Variants in FBXL2 observed in about 807,000 individuals in gnomAD.
The protein encoded by FBXL2 is F-box/LRR-repeat protein 2.
In FBXL2, 38 loss-of-function variants were observed where a neutral mutation model predicts 69.2. The ratio of observed to expected loss-of-function variants is 0.55; its 90% CI spans 0.42 to 0.72. FBXL2 has a LOEUF of 0.72. FBXL2 is among the 30% of genes least tolerant of loss of function. The pLI is 0.00. For missense variants in FBXL2, 354 were observed against 520.3 expected (o/e 0.68, Z 3.11); for synonymous variants, 192 against 201.3 (o/e 0.95, Z 0.39).
rs779311945 is a variant in FBXL2, at chr3:33,387,032, T to TTATA, written c.*1435_*1438dup. ...GCTGCATTCTAGGAAGAGAAGCAGATTATATATATATATAATCTCCCCATA... is the reference window on the plus strand; with the variant it reads ...GCTGCATTCTAGGAAGAGAAGCAGATTATATATATATATATATAATCTCCCCATA... On this transcript the variant is annotated 3_prime_UTR_variant, in exon 15 of 15. Coordinates refer to ENST00000484457, the MANE Select transcript of FBXL2 (RefSeq NM_012157.5). The TTATA allele has an allele frequency of 6.6e-6, 1 of 151,532 alleles. No homozygotes were observed. Among genetic ancestry groups the TTATA allele is most frequent in the Admixed American group, 6.6e-5 (1 of 15,162 alleles). 9.4% of individuals were successfully genotyped at this position (151,532 alleles called of 1,614,324 possible). A position where few individuals can be genotyped will look rare whatever the true frequency, so the allele number is the denominator to read the frequency against.
chr3:33,409,059 G>A, the FBXL2 span, among the ~76,000 whole-genome samples: 1 of 152,048 alleles, frequency 6.6e-6, no homozygotes, highest in Admixed American at 6.6e-5. Context: ...ATCCCACCCA[G>A]GAAACAGTCT....
At chr3:33,288,131 A>C (rs2034841465) in intron 1 of FBXL2, among the ~76,000 whole-genome samples, 1 of 152,256 alleles carries the variant, frequency 6.6e-6, no homozygotes, top group Non-Finnish European at 1.5e-5. Flanking sequence ...GGAGCAGGGA[A>C]GTCTAAGGAG....
intron 2 of FBXL2, among the ~76,000 whole-genome samples, chr3:33,313,064 G>A (rs1275367481): frequency 6.6e-6 from 1 of 151,324 alleles, no homozygotes; most frequent in Non-Finnish European, 1.5e-5. Flanking sequence ...AGGTTGCAGT[G>A]AGCCAAGATT....
intron 2 of FBXL2, among the ~76,000 whole-genome samples, chr3:33,332,441 A>G (rs2039239902): frequency 1.3e-5 from 2 of 152,238 alleles, no homozygotes; most frequent in Non-Finnish European, 2.9e-5. Flanking sequence ...ATATACCCCA[A>G]AAAACTGAAA....
chr3:33,408,073 A>C (rs1338789320), downstream of FBXL2, among the ~76,000 whole-genome samples: 1 of 152,176 alleles, frequency 6.6e-6, no homozygotes, highest in Non-Finnish European at 1.5e-5. Context: ...CTGAAGCATT[A>C]ATTCACAATG....
At chr3:33,356,586 G>A (rs1412133994) in intron 2 of FBXL2, among the ~76,000 whole-genome samples, 1 of 152,074 alleles carries the variant, frequency 6.6e-6, no homozygotes, top group African/African-American at 2.4e-5. Flanking sequence ...TTGACCTTGT[G>A]GTCCACCCGC....
intron 2 of FBXL2, among the ~76,000 whole-genome samples, chr3:33,335,744 G>T (rs1053601851): frequency 3.3e-5 from 5 of 152,090 alleles, no homozygotes; most frequent in Non-Finnish European, 7.4e-5. Context: ...TGGGACAAAT[G>T]GGAAACAAAT....
chr3:33,296,511 T>C (rs2125712713), intron 1 of FBXL2, among the ~76,000 whole-genome samples: 1 of 152,326 alleles, frequency 6.6e-6, no homozygotes, highest in African/African-American at 2.4e-5. Flanking sequence ...TTTTAGCTCT[T>C]ATATTTATTT....
intron 2 of FBXL2, among the ~76,000 whole-genome samples, chr3:33,340,319 A>G (rs754762710): frequency 5.3e-5 from 8 of 152,118 alleles, no homozygotes; most frequent in Non-Finnish European, 7.4e-5. Context: ...AGATCTGGCT[A>G]CTGAACATGC....
chr3:33,345,216 T>C (rs1029094055), intron 2 of FBXL2, among the ~76,000 whole-genome samples: 2 of 152,188 alleles, frequency 1.3e-5, no homozygotes, highest in Non-Finnish European at 2.9e-5. Flanking sequence ...ATCCATTCTT[T>C]TTTTGGCTGT....
chr3:33,368,521 A>G (rs2042093505), intron 5 of FBXL2, among the ~76,000 whole-genome samples: 1 of 152,110 alleles, frequency 6.6e-6, no homozygotes, highest in Admixed American at 6.6e-5. Flanking sequence ...TTGGCATTAT[A>G]TATGTTTTTC....
intron 2 of FBXL2, among the ~76,000 whole-genome samples, chr3:33,319,207 C>G (rs1189079992): frequency 6.6e-6 from 1 of 151,810 alleles, no homozygotes; most frequent in Non-Finnish European, 1.5e-5. Context: ...ATGGGAGCCC[C>G]CTTGTGGGAG....
intron 2 of FBXL2, among the ~76,000 whole-genome samples, chr3:33,355,583 T>C (rs1559594978): frequency 1.3e-5 from 2 of 152,238 alleles, no homozygotes; most frequent in Non-Finnish European, 2.9e-5. Flanking sequence ...CCAGACATTG[T>C]GACTTATTAT....
chr3:33,390,851 T>C (rs1484582016), downstream of FBXL2: 3 of 153,064 alleles, frequency 2.0e-5, no homozygotes, highest in Admixed American at 2.0e-4. Flanking sequence ...TCTCAGTAAA[T>C]AGTGAGAAGC....
intron 5 of FBXL2, among the ~76,000 whole-genome samples, chr3:33,366,800 T>TA (rs1283601032): frequency 1.3e-5 from 2 of 151,974 alleles, no homozygotes; most frequent in Non-Finnish European, 2.9e-5. Flanking sequence ...CTGTCTCTAC[T>TA]AAAAATACAA....
At position 33,321,115 on chromosome 3, in the gene FBXL2, G is replaced by T. The variant is rs113896588; in HGVS notation, c.65+23390G>T. On this transcript the variant is annotated intron_variant, in intron 2 of 14. Coordinates refer to ENST00000484457, the MANE Select transcript of FBXL2 (RefSeq NM_012157.5). ...GCTTGAGGTCAGGAGTTCAAGACCA[G>T]CCTGCCCAACATGGAAAAATCCCAT... Among the ~76,000 whole-genome samples the T allele has an allele frequency of 5.1e-4, 77 of 151,966 alleles. 1 individual carries two copies. Among genetic ancestry groups the T allele is most frequent in the African/African-American group, 1.8e-3 (73 of 41,462 alleles).
chr3:33,323,697 C>T (rs562265305), intron 2 of FBXL2, among the ~76,000 whole-genome samples: 2 of 152,272 alleles, frequency 1.3e-5, no homozygotes, highest in African/African-American at 2.4e-5. Flanking sequence ...TTTTCTTTAT[C>T]CAGTCTATCA....
intron 4 of FBXL2, among the ~76,000 whole-genome samples, chr3:33,359,772 C>T (rs566029169): frequency 1.3e-4 from 19 of 151,604 alleles, no homozygotes; most frequent in African/African-American, 4.4e-4. Flanking sequence ...TAAAGTGTCA[C>T]CCTAGCTTGG....
At position 33,277,481 on chromosome 3, in the gene FBXL2, C is replaced by A. The variant is rs974214065; in HGVS notation, c.-32C>A. The A allele has an allele frequency of 3.1e-6, 4 of 1,287,754 alleles. No homozygotes were observed. The African/African-American group carries it at 6.1e-5, about 20-fold the overall frequency. The allele number at this position is 1,287,754 out of a possible 1,614,324, so 79.8% of individuals were successfully genotyped here. On this transcript the variant is annotated 5_prime_UTR_variant, in exon 1 of 15. Coordinates refer to ENST00000484457, the MANE Select transcript of FBXL2 (RefSeq NM_012157.5). The stretch of plus-strand genomic sequence containing the variant: ...GGGCGTCGCCGGCGCCGTGTGACTT[C>A]GGGCTGTGGGCTCGCTCGCGGCTCT...
Sources: allele counts gnomAD v4.1 joint callset (sites outside exome capture counted in the v4.1 genomes callset), GRCh38; gene constraint gnomAD v4.1.1; transcripts MANE v1.5; gene names NCBI Gene and HGNC (gene_info 2026-07-23, HGNC 2026-07-21).